The following ITFG1 variants were observed in gnomAD, a reference collection of about 807,000 sequenced individuals.
ITFG1 encodes T-cell immunomodulatory protein.
In ITFG1, 34 loss-of-function variants were observed where a neutral mutation model predicts 81.8. That is an observed-to-expected ratio of 0.42 (90% CI 0.32 to 0.55). ITFG1 has a LOEUF of 0.55. ITFG1 is among the 20% of genes least tolerant of loss of function. The pLI is 0.17. For missense variants in ITFG1, 672 were observed against 755.4 expected, an observed-to-expected ratio of 0.89 and a Z score of 1.29; for synonymous variants, 285 against 270.6, an observed-to-expected ratio of 1.05 and a Z score of -0.52.
intron 12 of ITFG1, among the ~76,000 whole-genome samples, chr16:47,256,261 T>A (rs1439171376): frequency 2.0e-5 from 3 of 152,164 alleles, no homozygotes; most frequent in Non-Finnish European, 4.4e-5. Context: ...TTGAGATGTT[T>A]TCATCCTAGA....
At chr16:47,210,191 G>A (rs1002310734) in intron 14 of ITFG1, among the ~76,000 whole-genome samples, 1 of 152,152 alleles carries the variant, frequency 6.6e-6, no homozygotes, top group Non-Finnish European at 1.5e-5. Flanking sequence ...TACTGTCTCT[G>A]CATCCTCATT....
intron 14 of ITFG1, among the ~76,000 whole-genome samples, chr16:47,214,826 G>A (rs768345666): frequency 6.9e-6 from 1 of 145,946 alleles, no homozygotes; most frequent in Non-Finnish European, 1.5e-5. Flanking sequence ...ATTAATTTAT[G>A]TTGTTGTTGT....
At chr16:47,409,387 TATATATATATA>T (rs1968772661) in intron 6 of ITFG1, among the ~76,000 whole-genome samples, 11 of 14,580 alleles carry the variant, frequency 7.5e-4, no homozygotes, top group Non-Finnish European at 1.1e-3. Context: ...TATATATATA[TATATATATATA>T]TATATATTTT....
chr16:47,254,380 A>AT, intron 12 of ITFG1, among the ~76,000 whole-genome samples: 1 of 150,894 alleles, frequency 6.6e-6, no homozygotes, highest in Admixed American at 6.6e-5. Context: ...TCTCTTTAGC[A>AT]TATTATTATT....
intron 10 of ITFG1, among the ~76,000 whole-genome samples, chr16:47,272,533 T>C (rs996630848): frequency 2.0e-5 from 3 of 152,010 alleles, no homozygotes; most frequent in African/African-American, 7.2e-5. Flanking sequence ...GTAGCTGGGA[T>C]TACAGGCACG....
Position 47,237,966 on chromosome 16 carries a change from G to A in ITFG1, c.1373C>T (p.Thr458Ile). 1 of 1,399,072 alleles carries A rather than the reference G, an allele frequency of 7.1e-7. No individual in the cohort carries two copies. Among genetic ancestry groups the A allele is most frequent in the Non-Finnish European group, 9.8e-7 (1 of 1,015,812 alleles). 86.7% of individuals were successfully genotyped at this position (1,399,072 alleles called of 1,614,324 possible). ...TATAACAGATATAAATTTACTTACT[G>A]TTATCTTACGAGGACAGTCATTAGA... is the stretch of plus-strand genomic sequence containing the variant. ...LCSNDCPRKI[T>I]PFGVNQPGPY... The change falls in exon 13 of 18, where the codon ACA becomes ATA. Residue 458 changes from threonine (T) to isoleucine (I), a missense_variant and splice_region_variant. Thr to Ile is a moderately conservative substitution (Grantham distance 89, BLOSUM62 -1). This residue lies in a region of ITFG1 where 560 missense variants were observed against 625.7 expected (regional missense o/e 0.90). Coordinates refer to ENST00000320640, the MANE Select transcript of ITFG1 (RefSeq NM_030790.5).
At chr16:47,347,421 TCA>T (rs1301397987) in intron 8 of ITFG1, among the ~76,000 whole-genome samples, 3 of 152,228 alleles carry the variant, frequency 2.0e-5, no homozygotes, top group Non-Finnish European at 4.4e-5. Flanking sequence ...TGGGAGGGTC[TCA>T]CGCGCATGGG....
At chr16:47,369,149 C>T (rs781031018) in intron 7 of ITFG1, among the ~76,000 whole-genome samples, 4 of 152,126 alleles carry the variant, frequency 2.6e-5, no homozygotes, top group Non-Finnish European at 5.9e-5. Context: ...TTTTAAAGTG[C>T]AGCATAACTA....
intron 6 of ITFG1, among the ~76,000 whole-genome samples, chr16:47,420,777 C>T (rs904230407): frequency 5.3e-5 from 8 of 152,156 alleles, no homozygotes; most frequent in African/African-American, 1.9e-4. Context: ...ATGCTGGTAC[C>T]GTGTTCCTTG....
chr16:47,384,901 G>C (rs1180649067), intron 6 of ITFG1, among the ~76,000 whole-genome samples: 1 of 152,168 alleles, frequency 6.6e-6, no homozygotes, highest in Non-Finnish European at 1.5e-5. Context: ...AATGTGGTGA[G>C]GTTACTGTCT....
chr16:47,432,879 A>G (rs1342944146), intron 5 of ITFG1, among the ~76,000 whole-genome samples: 1 of 152,238 alleles, frequency 6.6e-6, no homozygotes, highest in African/African-American at 2.4e-5. Flanking sequence ...TAACAAAATA[A>G]TCAGACTTGG....
At chr16:47,370,150 CCTT>C (rs1319220924) in intron 7 of ITFG1, among the ~76,000 whole-genome samples, 1 of 151,964 alleles carries the variant, frequency 6.6e-6, no homozygotes, top group Non-Finnish European at 1.5e-5. Context: ...TCAATATCCT[CCTT>C]CTAATAGCGG....
intron 14 of ITFG1, among the ~76,000 whole-genome samples, chr16:47,192,899 G>A (rs142941078): frequency 1.3e-5 from 2 of 152,078 alleles, no homozygotes; most frequent in Non-Finnish European, 2.9e-5. Flanking sequence ...TGTTTTAAAC[G>A]AGTCTCATTC....
chr16:47,441,278 G>A (rs1160822074), intron 5 of ITFG1, among the ~76,000 whole-genome samples: 1 of 152,142 alleles, frequency 6.6e-6, no homozygotes, highest in African/African-American at 2.4e-5. Flanking sequence ...CATTCCTTCT[G>A]AAACTATTCC....
At chr16:47,447,818 T>G (rs937694772) in intron 5 of ITFG1, among the ~76,000 whole-genome samples, 5 of 152,168 alleles carry the variant, frequency 3.3e-5, no homozygotes, top group Non-Finnish European at 7.4e-5. Flanking sequence ...TGAGAAACAC[T>G]GGGAAAAGAA....
At chr16:47,435,719 C>T (rs1291829777) in intron 5 of ITFG1, among the ~76,000 whole-genome samples, 4 of 152,158 alleles carry the variant, frequency 2.6e-5, no homozygotes, top group African/African-American at 9.7e-5. Context: ...GAATCTACTT[C>T]TCCAGGCTGC....
chr16:47,335,279 C>G (rs1048162451), intron 8 of ITFG1, among the ~76,000 whole-genome samples: 8 of 152,066 alleles, frequency 5.3e-5, no homozygotes, highest in African/African-American at 1.9e-4. Context: ...ATCATTTGAA[C>G]CTGGGAGGCG....
chr16:47,331,321 G>C (rs1967634202), intron 8 of ITFG1, among the ~76,000 whole-genome samples: 1 of 152,086 alleles, frequency 6.6e-6, no homozygotes, highest in East Asian at 1.9e-4. Flanking sequence ...AAAGGAAGGA[G>C]GAAGGGAGGG....
intron 14 of ITFG1, among the ~76,000 whole-genome samples, chr16:47,189,880 T>C (rs1331940116): frequency 6.6e-6 from 1 of 152,208 alleles, no homozygotes; most frequent in Middle Eastern, 3.2e-3. Context: ...TGCAAAGGGA[T>C]ACAATAAAGG....
Sources: allele counts gnomAD v4.1 joint callset (sites outside exome capture counted in the v4.1 genomes callset), GRCh38; gene constraint gnomAD v4.1.1; regional missense constraint gnomAD v4.1.1; transcripts MANE v1.5; gene names NCBI Gene and HGNC (gene_info 2026-07-23, HGNC 2026-07-21).